SGCD: variants seen among roughly 807,000 people sequenced by gnomAD.
The protein encoded by SGCD is delta-sarcoglycan.
Under a neutral mutation model 36.6 loss-of-function variants are expected in SGCD, and 18 were observed. The observed-to-expected ratio is 0.49, with a 90% CI of 0.34 to 0.73. SGCD has a LOEUF of 0.73. Among genes scored for constraint, SGCD ranks in the 30% least tolerant of loss-of-function variants. The probability of loss-of-function intolerance (pLI) is 0.01; values close to 1 mark genes in which losing one functional copy is unlikely to be tolerated. For missense variants in SGCD, 387 were observed against 346.7 expected, an observed-to-expected ratio of 1.12 and a Z score of -0.92; for synonymous variants, 133 against 130.6, an observed-to-expected ratio of 1.02 and a Z score of -0.12.
intron 7 of SGCD, among the ~76,000 whole-genome samples, chr5:156,727,420 A>T (rs1346470362): frequency 6.6e-6 from 1 of 152,248 alleles, no homozygotes; most frequent in South Asian, 2.1e-4. Flanking sequence ...TCAAGCAAAG[A>T]ATCTTTGTCA....
At chr5:156,493,813 G>T (rs1277227217) in intron 3 of SGCD, among the ~76,000 whole-genome samples, 1 of 152,092 alleles carries the variant, frequency 6.6e-6, no homozygotes, top group Admixed American at 6.6e-5. Context: ...TCTTCAGTAG[G>T]TTGTAATATT....
rs542606864 is a variant in SGCD at position 156,401,370 on chromosome 5, A to G, written c.192+56693A>G. On this transcript the variant is annotated intron_variant, in intron 3 of 8. Coordinates refer to ENST00000337851, the MANE Select transcript of SGCD (RefSeq NM_000337.6). ...TTCAGTGTTACAATAAACTTTTCTTAATCCAGACAACATCTTCTGTATTCA... is the reference window on the plus strand; with the variant it reads ...TTCAGTGTTACAATAAACTTTTCTTGATCCAGACAACATCTTCTGTATTCA... Among the ~76,000 whole-genome samples, 3 of 152,340 alleles carry G rather than the reference A, an allele frequency of 2.0e-5. No homozygotes were observed. In the East Asian group the frequency reaches 5.8e-4, roughly 29 times the overall value.
intron 1 of SGCD, among the ~76,000 whole-genome samples, chr5:156,010,156 C>T (rs886567581): frequency 6.6e-6 from 1 of 152,040 alleles, no homozygotes; most frequent in South Asian, 2.1e-4. Flanking sequence ...CTTAATTTTT[C>T]CCAAGTTTAG....
chr5:156,452,729 T>C (rs569444500), intron 3 of SGCD, among the ~76,000 whole-genome samples: 1 of 152,270 alleles, frequency 6.6e-6, no homozygotes, highest in Non-Finnish European at 1.5e-5. Flanking sequence ...AAAGCTAAGA[T>C]TCCACGGTGA....
At chr5:155,754,601 G>T in the SGCD span, among the ~76,000 whole-genome samples, 1 of 152,202 alleles carries the variant, frequency 6.6e-6, no homozygotes. Flanking sequence ...GTATTGCACT[G>T]GTGTGCAGCA....
intron 3 of SGCD, among the ~76,000 whole-genome samples, chr5:156,259,070 A>G (rs1035373081): frequency 2.6e-5 from 4 of 152,030 alleles, no homozygotes; most frequent in African/African-American, 9.7e-5. Context: ...ACTCACAAGC[A>G]GTGTATGGGT....
intron 4 of SGCD, among the ~76,000 whole-genome samples, chr5:156,524,094 C>CCA (rs1757529940): frequency 7.4e-5 from 3 of 40,564 alleles, no homozygotes; most frequent in Admixed American, 3.4e-4. Context: ...TGAGGTCTTA[C>CCA]TATATATATA....
intron 3 of SGCD, among the ~76,000 whole-genome samples, chr5:156,187,461 A>G (rs1024912848): frequency 2.0e-5 from 3 of 152,086 alleles, no homozygotes; most frequent in Non-Finnish European, 4.4e-5. Flanking sequence ...TTCTGAATAG[A>G]CATATAGTCT....
intron 1 of SGCD, among the ~76,000 whole-genome samples, chr5:156,077,019 C>T (rs971607892): frequency 6.6e-6 from 1 of 152,174 alleles, no homozygotes; most frequent in Non-Finnish European, 1.5e-5. Flanking sequence ...TTATTCATCC[C>T]ATTTTATATT....
Position 156,240,792 on chromosome 5 carries a change from A to G in SGCD, c.-43-88742A>G, listed in dbSNP as rs1366724079. On this transcript the variant is annotated intron_variant, in intron 3 of 9. Transcript: ENST00000517913. ...TAATTCATATTTATTGTATTTTACA[A>G]AGTATCAGTCAGCAACAATTTGAGT... Among the ~76,000 whole-genome samples the G allele has an allele frequency of 3.9e-5, 6 of 152,220 alleles. No individual in the cohort carries two copies. The East Asian group carries it at 1.2e-3, about 29-fold the overall frequency.
chr5:155,786,087 T>C, the SGCD span, among the ~76,000 whole-genome samples: 2 of 152,136 alleles, frequency 1.3e-5, no homozygotes, highest in Non-Finnish European at 2.9e-5. Context: ...AAATGTTCAA[T>C]AAAGAAAAAA....
Position 156,647,471 on chromosome 5 carries a change from G to C in SGCD, c.510G>C (p.Glu170Asp), listed in dbSNP as rs368838376. The change falls in exon 7 of 9, where the codon GAG (glutamate) becomes GAC (aspartate). Residue 170 changes from glutamate to aspartate, a missense_variant. Transcript: ENST00000337851. ...TTTCTGTTTTGTTTACAGGAGCGGA[G>C]GGCACAGTGTTCCCTAAATCTATAG... ...GAERLRVLGA[E>D]GTVFPKSIET... 31 of 1,582,644 alleles carry C rather than the reference G, an allele frequency of 2.0e-5. No homozygotes were observed. The highest frequency in any genetic ancestry group is 2.5e-5 in the Non-Finnish European group (29 of 1,162,210).
intron 1 of SGCD, among the ~76,000 whole-genome samples, chr5:155,984,132 C>T (rs1255820332): frequency 1.3e-5 from 2 of 152,198 alleles, no homozygotes; most frequent in Non-Finnish European, 1.5e-5. Context: ...TTCCACTTTG[C>T]AAAGCACATT....
chr5:155,889,284 A>C (rs894420614), intron 1 of SGCD, among the ~76,000 whole-genome samples: 1 of 152,158 alleles, frequency 6.6e-6, no homozygotes, highest in Non-Finnish European at 1.5e-5. Flanking sequence ...AATTCAAAAA[A>C]ATGATTTTTT....
At chr5:156,330,839 C>G (rs1301880341) in intron 2 of SGCD, among the ~76,000 whole-genome samples, 1 of 152,160 alleles carries the variant, frequency 6.6e-6, no homozygotes, top group African/African-American at 2.4e-5. Flanking sequence ...AGCTCAGGGT[C>G]TGCCTCAAAC....
chr5:155,738,700 G>GAC, the SGCD span, among the ~76,000 whole-genome samples: 1,371 of 136,466 alleles, frequency 0.01, 29 homozygotes, highest in African/African-American at 0.041. Context: ...GAGTGTATAT[G>GAC]AGAGTGTGTG....
chr5:156,368,512 CA>C (rs1342749655), intron 3 of SGCD, among the ~76,000 whole-genome samples: 1 of 152,156 alleles, frequency 6.6e-6, no homozygotes, highest in Admixed American at 6.6e-5. Flanking sequence ...TTGTTACTTG[CA>C]GTACATTTCT....
At chr5:156,456,102 T>C (rs1286580125) in intron 3 of SGCD, among the ~76,000 whole-genome samples, 2 of 152,200 alleles carry the variant, frequency 1.3e-5, no homozygotes, top group African/African-American at 4.8e-5. Flanking sequence ...ATGACCATCT[T>C]AGAAAACTAG....
chr5:156,382,725 C>G (rs17556534), intron 3 of SGCD, among the ~76,000 whole-genome samples: 10,522 of 152,044 alleles, frequency 0.069, 481 homozygotes, highest in South Asian at 0.14. Context: ...AAACTCTTCA[C>G]CAAAATGTGT....
Sources: allele counts gnomAD v4.1 joint callset (sites outside exome capture counted in the v4.1 genomes callset), GRCh38; gene constraint gnomAD v4.1.1; transcripts MANE v1.5; gene names NCBI Gene and HGNC (gene_info 2026-07-23, HGNC 2026-07-21).